SERGEF: variants seen among roughly 807,000 people sequenced by gnomAD.
SERGEF encodes secretion regulating guanine nucleotide exchange factor.
A neutral mutation model predicts 50.0 loss-of-function variants in SERGEF; 51 were observed. That is an observed-to-expected ratio of 1.02 (90% confidence interval 0.81 to 1.29). The LOEUF (loss-of-function observed/expected upper bound fraction) is 1.29, where lower values mean the gene tolerates loss of function less well. Ranked by LOEUF, SERGEF falls within the 50% of genes most tolerant of loss-of-function variation. The pLI is 0.00. For synonymous variants in SERGEF, 205 were observed against 212.4 expected (o/e 0.97, Z 0.30); for missense variants, 521 against 557.0 (o/e 0.94, Z 0.65).
intron 10 of SERGEF, among the ~76,000 whole-genome samples, chr11:17,828,564 C>T (rs778981335): frequency 6.6e-6 from 1 of 152,200 alleles, no homozygotes; most frequent in Admixed American, 6.5e-5. Flanking sequence ...TCAAGGCCTT[C>T]TTTTAAGCTA....
intron 9 of SERGEF, among the ~76,000 whole-genome samples, chr11:17,901,192 A>G (rs930712218): frequency 2.0e-5 from 3 of 152,082 alleles, no homozygotes; most frequent in African/African-American, 7.2e-5. Flanking sequence ...TTCTGCTCTC[A>G]TGTTGCCCCT....
At chr11:17,845,791 A>G (rs1850596820) in intron 10 of SERGEF, among the ~76,000 whole-genome samples, 1 of 152,202 alleles carries the variant, frequency 6.6e-6, no homozygotes. Context: ...TCATTTGATG[A>G]TAAAGAAACT....
chr11:17,845,075 T>A (rs1170640843), intron 10 of SERGEF, among the ~76,000 whole-genome samples: 1 of 152,188 alleles, frequency 6.6e-6, no homozygotes, highest in Non-Finnish European at 1.5e-5. Flanking sequence ...GGCCCTTCTA[T>A]AGGTCCTCTG....
rs566594858 is a variant in SERGEF, at chr11:17,936,212, A to C, written c.1011+23258T>G. 1.2e-4 allele frequency among the ~76,000 whole-genome samples: 18 copies of C among 152,324 alleles called. 1 individual carries two copies. The South Asian group carries it at 3.7e-3, about 32-fold the overall frequency. ...TAATTGCTGCACTTGGCTCCACAACAAGCCAAGAATGTGACCAAAAAGAAT... is the reference window on the plus strand; with the variant it reads ...TAATTGCTGCACTTGGCTCCACAACCAGCCAAGAATGTGACCAAAAAGAAT... On this transcript the variant is annotated intron_variant, in intron 9 of 10. Transcript: ENST00000265965.
chr11:17,979,349 A>G (rs1401318259), intron 8 of SERGEF, among the ~76,000 whole-genome samples: 1 of 152,218 alleles, frequency 6.6e-6, no homozygotes, highest in Non-Finnish European at 1.5e-5. Context: ...AACTTGGGGT[A>G]TCCAATGTAT....
intron 9 of SERGEF, among the ~76,000 whole-genome samples, chr11:17,931,638 A>C (rs1174977678): frequency 6.6e-6 from 1 of 152,214 alleles, no homozygotes; most frequent in African/African-American, 2.4e-5. Context: ...AACCCAGTCC[A>C]TATGCCACAA....
At chr11:17,929,126 C>T (rs1852305224) in intron 9 of SERGEF, among the ~76,000 whole-genome samples, 1 of 152,156 alleles carries the variant, frequency 6.6e-6, no homozygotes, top group East Asian at 1.9e-4. Context: ...TTAAGTAAGG[C>T]AAGCTGACTT....
intron 1 of SERGEF, among the ~76,000 whole-genome samples, chr11:18,009,054 C>T (rs549513331): frequency 6.6e-6 from 1 of 152,130 alleles, no homozygotes; most frequent in South Asian, 2.1e-4. Flanking sequence ...CACTCTTACC[C>T]CATCTCCTTT....
intron 4 of SERGEF, among the ~76,000 whole-genome samples, chr11:18,003,765 T>C (rs1211396822): frequency 2.6e-5 from 4 of 151,948 alleles, no homozygotes; most frequent in Non-Finnish European, 5.9e-5. Flanking sequence ...AACAGGCAAA[T>C]CTATAGAGAC....
intron 10 of SERGEF, among the ~76,000 whole-genome samples, chr11:17,837,657 TTC>T (rs1850425696): frequency 1.3e-5 from 2 of 148,934 alleles, no homozygotes; most frequent in African/African-American, 2.5e-5. Flanking sequence ...GTAAACCTCT[TTC>T]TTTTTTTTTT....
intron 2 of SERGEF, among the ~76,000 whole-genome samples, chr11:18,007,468 A>G (rs570252196): frequency 1.3e-5 from 2 of 152,074 alleles, no homozygotes. Flanking sequence ...TCCAGAGCTC[A>G]TGTTCTCAAC....
At chr11:17,828,333 T>A (rs185079582) in intron 10 of SERGEF, among the ~76,000 whole-genome samples, 2 of 152,342 alleles carry the variant, frequency 1.3e-5, no homozygotes, top group African/African-American at 4.8e-5. Flanking sequence ...CGCATTCATG[T>A]GAGCTCCACA....
At chr11:17,813,570 G>A (rs1439695045) in intron 10 of SERGEF, among the ~76,000 whole-genome samples, 1 of 152,180 alleles carries the variant, frequency 6.6e-6, no homozygotes, top group Admixed American at 6.5e-5. Context: ...CTACTTCCAG[G>A]CAGAATGCCA....
At chr11:17,910,193 A>ACTCTCTCTCTCTCT (rs1219567785) in intron 9 of SERGEF, among the ~76,000 whole-genome samples, 1 of 145,638 alleles carries the variant, frequency 6.9e-6, no homozygotes. Context: ...ACACACACAC[A>ACTCTCTCTCTCTCT]CTCTCTCTCT....
chr11:17,888,768 A>C lies in SERGEF; in HGVS notation c.1012-10524T>G, dbSNP rs1851481190. ...TTGGTGCACAGACCCTGGCTTTTAA[A>C]TACCATTCAACTAAGAGGGATCAGA... On this transcript the variant is annotated intron_variant, in intron 9 of 10. Coordinates refer to ENST00000265965, the MANE Select transcript of SERGEF (RefSeq NM_012139.4). This position sits in a 1 kb window ranked among gnomAD's most constrained non-coding sequence, Gnocchi z 4.1. Among the ~76,000 whole-genome samples, 1 of 152,176 alleles carries C rather than the reference A, an allele frequency of 6.6e-6. No individual in the cohort carries two copies. Among genetic ancestry groups the C allele is most frequent in the African/African-American group, 2.4e-5 (1 of 41,446 alleles).
intron 9 of SERGEF, among the ~76,000 whole-genome samples, chr11:17,927,294 C>T (rs1270476845): frequency 6.6e-6 from 1 of 152,188 alleles, no homozygotes; most frequent in Non-Finnish European, 1.5e-5. Flanking sequence ...CACTACTGAA[C>T]ACAAAGCCTG....
At chr11:17,881,798 C>A (rs2133901425) in intron 9 of SERGEF, among the ~76,000 whole-genome samples, 1 of 152,280 alleles carries the variant, frequency 6.6e-6, no homozygotes, top group East Asian at 1.9e-4. Flanking sequence ...CAATTTATCC[C>A]CTTACAGCCA....
chr11:17,888,109 C>T lies in SERGEF; in HGVS notation c.1012-9865G>A, dbSNP rs1851464900. ...AATCCTTATGAGACTCTAACTAATG[C>T]CTGGTGATCTGAGGTGGAACAGTTT... On this transcript the variant is annotated intron_variant, in intron 9 of 10. Coordinates refer to ENST00000265965, the MANE Select transcript of SERGEF (RefSeq NM_012139.4). This position sits in a 1 kb window ranked among gnomAD's most constrained non-coding sequence, Gnocchi z 4.1. Among the ~76,000 whole-genome samples, 1 of 152,196 alleles carries T rather than the reference C, an allele frequency of 6.6e-6. No individual in the cohort carries two copies. The highest frequency in any genetic ancestry group is 2.4e-5 in the African/African-American group (1 of 41,450).
intron 9 of SERGEF, among the ~76,000 whole-genome samples, chr11:17,926,164 T>C (rs1230769766): frequency 6.7e-6 from 1 of 149,978 alleles, no homozygotes; most frequent in Non-Finnish European, 1.5e-5. Context: ...CAACCTCTCA[T>C]TCACCCAGTT....
Sources: allele counts gnomAD v4.1 joint callset (sites outside exome capture counted in the v4.1 genomes callset), GRCh38; gene constraint gnomAD v4.1.1; non-coding constraint Gnocchi (gnomAD v3.1); transcripts MANE v1.5; gene names NCBI Gene and HGNC (gene_info 2026-07-23, HGNC 2026-07-21).